The following TRPC4 variants were observed in gnomAD, a reference collection of about 807,000 sequenced individuals.
TRPC4 encodes the protein transient receptor potential cation channel subfamily C member 4.
In TRPC4, 49 loss-of-function variants were observed where a neutral mutation model predicts 99.4. That is an observed-to-expected ratio of 0.49 (90% CI 0.39 to 0.63). The LOEUF (loss-of-function observed/expected upper bound fraction) is 0.63, where lower values mean the gene tolerates loss of function less well. Ranked by LOEUF, TRPC4 falls within the 20% of genes least tolerant of loss-of-function variation. The probability of loss-of-function intolerance (pLI) is 0.00; values close to 1 mark genes in which losing one functional copy is unlikely to be tolerated. For synonymous variants in TRPC4, 454 were observed against 425.9 expected (o/e 1.07, Z -0.81); for missense variants, 898 against 1,152.9 (o/e 0.78, Z 3.20).
At chr13:37,724,599 G>GTT (rs66945120) in intron 3 of TRPC4, among the ~76,000 whole-genome samples, 88 of 151,702 alleles carry the variant, frequency 5.8e-4, no homozygotes, top group Admixed American at 3.0e-3. Context: ...TATATAAGCG[G>GTT]TTTTTTTTGT....
chr13:37,836,977 C>A (rs1380015439), intron 1 of TRPC4, among the ~76,000 whole-genome samples: 1 of 152,162 alleles, frequency 6.6e-6, no homozygotes, highest in African/African-American at 2.4e-5. Context: ...TAGTTCCAGC[C>A]ACTCCAGCCA....
rs139248253 is a variant in TRPC4, at chr13:37,776,416, G to A, written c.378+6540C>T. On this transcript the variant is annotated intron_variant, in intron 2 of 10. Transcript: ENST00000379705. The stretch of plus-strand genomic sequence containing the variant: ...AAGTATTTTATGGGGAGAAATGAGC[G>A]TCTTTAATACTATACTATAACTCTT... 2.3e-3 allele frequency among the ~76,000 whole-genome samples: 353 copies of A among 151,842 alleles called. 2 individuals are homozygous for A. Among genetic ancestry groups the A allele is most frequent in the African/African-American group, 7.9e-3 (326 of 41,456 alleles).
intron 1 of TRPC4, among the ~76,000 whole-genome samples, chr13:37,811,477 C>A (rs1034051301): frequency 1.3e-5 from 2 of 152,044 alleles, no homozygotes; most frequent in African/African-American, 2.4e-5. Flanking sequence ...TCAGGTGGAG[C>A]CTTTCAAACT....
chr13:37,673,992 T>C (rs1281007783), intron 5 of TRPC4, among the ~76,000 whole-genome samples: 2 of 152,144 alleles, frequency 1.3e-5, no homozygotes, highest in South Asian at 2.1e-4. Flanking sequence ...TTCTACTTAG[T>C]AGATGCAAGG....
intron 6 of TRPC4, among the ~76,000 whole-genome samples, chr13:37,660,853 T>C (rs954671922): frequency 4.6e-5 from 7 of 152,172 alleles, no homozygotes; most frequent in Admixed American, 4.6e-4. Flanking sequence ...AGAAGTAAGA[T>C]GTAGAGCAGG....
chr13:37,825,196 T>A (rs577575430), intron 1 of TRPC4, among the ~76,000 whole-genome samples: 68 of 152,184 alleles, frequency 4.5e-4, no homozygotes, highest in Admixed American at 4.1e-3. Flanking sequence ...GTGGTCTATC[T>A]ATTTTGTTGA....
intron 4 of TRPC4, among the ~76,000 whole-genome samples, chr13:37,676,181 T>TACGTACCCAC (rs928332021): frequency 6.7e-6 from 1 of 148,238 alleles, no homozygotes; most frequent in Admixed American, 6.8e-5. Flanking sequence ...CACGTACACA[T>TACGTACCCAC]ACGTACCCAC....
rs1951420127 is a variant in TRPC4, at chr13:37,632,615, G to A, written c.*4288C>T. ...TAACGGTGTGACTGTATCCAGGCTT[G>A]GTCCCATTGTCCCAATCTTAGTTCA... On this transcript the variant is annotated 3_prime_UTR_variant, in exon 11 of 11. Coordinates refer to ENST00000379705, the MANE Select transcript of TRPC4 (RefSeq NM_016179.4). 6.6e-6 allele frequency among the ~76,000 whole-genome samples: 1 copy of A among 152,120 alleles called. No individual in the cohort carries two copies. The highest frequency in any genetic ancestry group is 2.1e-4 in the South Asian group (1 of 4,830).
At chr13:37,753,990 A>G (rs1956026654) in intron 2 of TRPC4, among the ~76,000 whole-genome samples, 1 of 152,044 alleles carries the variant, frequency 6.6e-6, no homozygotes, top group Non-Finnish European at 1.5e-5. Context: ...GGCGATACTG[A>G]AGCTATGGAG....
intron 8 of TRPC4, among the ~76,000 whole-genome samples, chr13:37,649,679 T>C (rs1275959928): frequency 1.6e-5 from 2 of 126,102 alleles, no homozygotes; most frequent in African/African-American, 6.2e-5. Context: ...GCTTGCAGAG[T>C]CGCGATCATG....
chr13:37,781,738 G>A (rs979001155), intron 2 of TRPC4, among the ~76,000 whole-genome samples: 1 of 152,042 alleles, frequency 6.6e-6, no homozygotes, highest in Non-Finnish European at 1.5e-5. Flanking sequence ...GCTGTGGAGT[G>A]CTGTTTTATC....
In TRPC4 at chr13:37,783,076, G is replaced by A. The variant is rs1233301242; in HGVS notation, c.258C>T (p.Ile86=). The stretch of plus-strand genomic sequence containing the variant: ...AGACATTAAAGCTTAAGAGTAGTTC[G>A]ATGAGCTCCAAGTTCTCATTTTCAA... ...IAIENENLEL[I]ELLLSFNVYV... is the part of the protein sequence containing the mutation. The change falls in exon 2 of 11, where the codon ATC becomes ATT. Residue 86 remains isoleucine, a synonymous_variant. Transcript: ENST00000379705. 5 of 1,613,228 alleles carry A rather than the reference G, an allele frequency of 3.1e-6. No homozygotes were observed. Among genetic ancestry groups the A allele is most frequent in the Admixed American group, 1.7e-5 (1 of 59,870 alleles).
chr13:37,804,464 A>T (rs1287194103), intron 1 of TRPC4, among the ~76,000 whole-genome samples: 1 of 152,108 alleles, frequency 6.6e-6, no homozygotes, highest in Non-Finnish European at 1.5e-5. Context: ...AGAGGATATC[A>T]GCTCTTATAA....
At chr13:37,728,978 T>A (rs566165961) in intron 3 of TRPC4, among the ~76,000 whole-genome samples, 1 of 152,086 alleles carries the variant, frequency 6.6e-6, no homozygotes, top group Non-Finnish European at 1.5e-5. Flanking sequence ...AATATACACA[T>A]AAATAAGAAT....
Position 37,663,668 on chromosome 13 carries a change from G to A in TRPC4, c.1436C>T (p.Ala479Val). The A allele has an allele frequency of 6.2e-7, 1 of 1,614,176 alleles. No individual in the cohort carries two copies. Among genetic ancestry groups the A allele is most frequent in the South Asian group, 1.1e-5 (1 of 91,084 alleles). Residue 479 changes from alanine (A) to valine (V), a missense_variant, in exon 6 of 11, where the codon GCT becomes GTT. Physicochemically the swap from Ala to Val is moderately conservative, Grantham distance 64. Around this residue, in one of 3 missense-constraint regions of TRPC4, gnomAD observed 274 missense variants for 454.9 expected, o/e 0.60. Coordinates refer to ENST00000379705, the MANE Select transcript of TRPC4 (RefSeq NM_016179.4). ...GAAGATGTTTGCAATAGCAAATAAA[G>A]CCTCTGCCACCAGAGTGGGATGCCA... ...DMWHPTLVAE[A>V]LFAIANIFSS...
At chr13:37,822,515 G>A (rs1454811497) in intron 1 of TRPC4, among the ~76,000 whole-genome samples, 3 of 145,842 alleles carry the variant, frequency 2.1e-5, no homozygotes, top group Non-Finnish European at 4.5e-5. Context: ...GTGAGAATAT[G>A]CGGTGTTTGG....
intron 1 of TRPC4, among the ~76,000 whole-genome samples, chr13:37,827,853 G>A (rs901685812): frequency 2.0e-5 from 3 of 152,216 alleles, no homozygotes; most frequent in Non-Finnish European, 2.9e-5. Flanking sequence ...GGGCAATGGC[G>A]GGTGCCCCTC....
chr13:37,646,845 C>T (rs549812565), intron 8 of TRPC4, among the ~76,000 whole-genome samples: 1 of 152,308 alleles, frequency 6.6e-6, no homozygotes, highest in Non-Finnish European at 1.5e-5. Context: ...GGATAGGCTG[C>T]CTTTTTCGTG....
Position 37,637,270 on chromosome 13 carries a change from G to A in TRPC4, c.2567C>T (p.Ala856Val), listed in dbSNP as rs1271380541. The change falls in exon 11 of 11, where the codon GCT (alanine) becomes GTT (valine). Residue 856 changes from alanine to valine, a missense_variant. Around this residue, in one of 3 missense-constraint regions of TRPC4, gnomAD observed 346 missense variants for 351.4 expected, o/e 0.98. Transcript: ENST00000379705. ...GATTTGGTTTGCATTTTGCTCAGCA[G>A]CATTTTGTTTTGATCGTCTATGAAA... Reference protein sequence around the residue: ...GLFHRRSKQNAAEQNANQIFS... With the variant: ...GLFHRRSKQNVAEQNANQIFS... The A allele has an allele frequency of 7.4e-6, 12 of 1,613,750 alleles. No homozygotes were observed. Among genetic ancestry groups the A allele is most frequent in the Non-Finnish European group, 1.0e-5 (12 of 1,179,880 alleles).
Sources: gnomAD v4.1 joint callset for allele counts (sites outside exome capture counted in the v4.1 genomes callset) on GRCh38, gnomAD v4.1.1 for gene constraint, gnomAD v4.1.1 regional missense constraint, MANE v1.5 for transcripts, NCBI Gene and HGNC (gene_info 2026-07-23, HGNC 2026-07-21) for gene names.